The following TMTC3 variants were observed in gnomAD, a reference collection of about 807,000 sequenced individuals.
TMTC3 encodes transmembrane O-mannosyltransferase targeting cadherins 3.
TMTC3 carries 52 observed loss-of-function variants against 92.2 expected under a neutral mutation model. The ratio of observed to expected loss-of-function variants is 0.56; its 90% CI spans 0.45 to 0.71. The LOEUF (loss-of-function observed/expected upper bound fraction) is 0.71, where lower values mean the gene tolerates loss of function less well. Ranked by LOEUF, TMTC3 falls within the 30% of genes least tolerant of loss-of-function variation. The pLI is 0.00. For missense variants in TMTC3, 896 were observed against 1,057.1 expected, an observed-to-expected ratio of 0.85 and a Z score of 2.11; for synonymous variants, 339 against 363.3, an observed-to-expected ratio of 0.93 and a Z score of 0.76.
At chr12:88,187,714 G>GAT (rs1466476785) in intron 10 of TMTC3, among the ~76,000 whole-genome samples, 1 of 152,180 alleles carries the variant, frequency 6.6e-6, no homozygotes, top group Non-Finnish European at 1.5e-5. Context: ...GAATGCCCAA[G>GAT]ATATATATGC....
intron 6 of TMTC3, among the ~76,000 whole-genome samples, chr12:88,164,323 C>T (rs1374052621): frequency 1.3e-5 from 2 of 152,028 alleles, no homozygotes; most frequent in East Asian, 3.9e-4. Flanking sequence ...AGCCCCCGCA[C>T]TCCTAGGGCT....
chr12:88,198,140 T>C lies in TMTC3; in HGVS notation c.*2491T>C. The stretch of plus-strand genomic sequence containing the variant: ...CTAGCCCTTGTGTAAGATTATTATT[T>C]CTTCTCTATAACTTCAAAATAGATA... On this transcript the variant is annotated 3_prime_UTR_variant, in exon 14 of 14. Transcript: ENST00000266712. 1 of 392,686 alleles carries C rather than the reference T, an allele frequency of 2.5e-6. No homozygotes were observed. The highest frequency in any genetic ancestry group is 4.5e-6 in the Non-Finnish European group (1 of 222,374). The allele number at this position is 392,686 out of a possible 1,614,324, so 24.3% of individuals were successfully genotyped here.
chr12:88,168,246 T>C (rs1314170035), intron 7 of TMTC3, among the ~76,000 whole-genome samples: 1 of 152,230 alleles, frequency 6.6e-6, no homozygotes, highest in Non-Finnish European at 1.5e-5. Context: ...TGGATTGGAC[T>C]TCTTTTAGTC....
intron 10 of TMTC3, among the ~76,000 whole-genome samples, chr12:88,188,408 T>C (rs1189462002): frequency 6.6e-6 from 1 of 152,160 alleles, no homozygotes; most frequent in East Asian, 1.9e-4. Flanking sequence ...TAAAATACAA[T>C]GAAGGAAGGT....
In TMTC3 at chr12:88,166,351, A is replaced by T; in HGVS notation, c.819A>T (p.Val273=). 6.2e-7 allele frequency: 1 copy of T among 1,613,818 alleles called. No homozygotes were observed. The highest frequency in any genetic ancestry group is 8.5e-7 in the Non-Finnish European group (1 of 1,179,846). The change falls in exon 7 of 14, where the codon GTA becomes GTT. Residue 273 remains valine (V), a synonymous_variant. Coordinates refer to ENST00000266712, the MANE Select transcript of TMTC3 (RefSeq NM_181783.4). ...ACAGGTTTGATAACCCAGCTGCTGT[A>T]AGCCCAACTCCTACAAGGCAACTAA... The part of the protein sequence containing the change: ...VFTRFDNPAA[V]SPTPTRQLTF...
chr12:88,144,475 C>G (rs1301440280), intron 1 of TMTC3, among the ~76,000 whole-genome samples: 3 of 151,666 alleles, frequency 2.0e-5, no homozygotes, highest in African/African-American at 7.3e-5. Context: ...GTCTGTATTA[C>G]TCTTTTCTAC....
At chr12:88,183,765 G>A (rs1365036161) in intron 10 of TMTC3, among the ~76,000 whole-genome samples, 2 of 152,092 alleles carry the variant, frequency 1.3e-5, no homozygotes, top group Non-Finnish European at 2.9e-5. Context: ...TGGGAACCAT[G>A]GGTTATGGGA....
intron 8 of TMTC3, 132 bp downstream of exon 8, chr12:88,172,877 T>C: frequency 6.7e-7 from 1 of 1,500,584 alleles, no homozygotes; most frequent in South Asian, 1.2e-5. Context: ...CATAGTCTCC[T>C]CATTTGTCTT....
rs989917390 is a variant in TMTC3 at position 88,197,928 on chromosome 12, T to C, written c.*2279T>C. 5.5e-4 allele frequency: 86 copies of C among 157,030 alleles called. No individual in the cohort carries two copies. The highest frequency in any genetic ancestry group is 2.0e-3 in the African/African-American group (85 of 41,814). 9.7% of individuals were successfully genotyped at this position (157,030 alleles called of 1,614,324 possible). On this transcript the variant is annotated 3_prime_UTR_variant, in exon 14 of 14. Transcript: ENST00000266712. Reference sequence around the variant, plus strand: ...CAAAAGCTCTTTGAGTGATTCTAATTTGTAGTCAGAGTTGAAGACCACTGC... The same window carrying C: ...CAAAAGCTCTTTGAGTGATTCTAATCTGTAGTCAGAGTTGAAGACCACTGC...
rs535357403 is a variant in TMTC3, at chr12:88,156,637, G to A, written c.508+2250G>A. Among the ~76,000 whole-genome samples the A allele has an allele frequency of 2.6e-5, 4 of 151,992 alleles. No individual in the cohort carries two copies. In the East Asian group the frequency reaches 7.7e-4, roughly 29 times the overall value. On this transcript the variant is annotated intron_variant, in intron 4 of 13. Transcript: ENST00000266712. ...CTAGCCATTGTAGCTGTGGATTTCT[G>A]CAGTAACAGAGTAGAGAGTGATCTA...
At chr12:88,152,146 A>T (rs532185662) in intron 2 of TMTC3, among the ~76,000 whole-genome samples, 20 of 152,214 alleles carry the variant, frequency 1.3e-4, no homozygotes, top group Non-Finnish European at 2.8e-4. Flanking sequence ...CTGGTAATTT[A>T]TAAGGAAAAT....
At chr12:88,192,576 G>A (rs1444402951) in intron 12 of TMTC3, 28 bp from the exon 13 acceptor site, 4 of 1,548,466 alleles carry the variant, frequency 2.6e-6, no homozygotes, top group East Asian at 4.5e-5. Flanking sequence ...AATGTTGTAA[G>A]TAAAGCTTGT....
intron 10 of TMTC3, among the ~76,000 whole-genome samples, chr12:88,178,639 T>A (rs1261632299): frequency 6.6e-6 from 1 of 152,198 alleles, no homozygotes; most frequent in African/African-American, 2.4e-5. Context: ...CCCTGCATCA[T>A]CAAGTAGGGT....
At chr12:88,168,409 T>C (rs1158889631) in intron 7 of TMTC3, among the ~76,000 whole-genome samples, 3 of 152,196 alleles carry the variant, frequency 2.0e-5, no homozygotes, top group African/African-American at 7.2e-5. Flanking sequence ...AAGACTATGC[T>C]GGTCAGGCAA....
At chr12:88,186,931 G>T (rs746565233) in intron 10 of TMTC3, among the ~76,000 whole-genome samples, 1 of 151,992 alleles carries the variant, frequency 6.6e-6, no homozygotes, top group Non-Finnish European at 1.5e-5. Flanking sequence ...GATTTCAATG[G>T]ATAGTAATTC....
chr12:88,168,292 G>A (rs1195673949), intron 7 of TMTC3, among the ~76,000 whole-genome samples: 1 of 152,192 alleles, frequency 6.6e-6, no homozygotes, highest in African/African-American at 2.4e-5. Flanking sequence ...TATGTGCAGT[G>A]AGTGATTTGA....
At position 88,199,674 on chromosome 12, in the gene TMTC3, C is replaced by T. The variant is rs1184812201; in HGVS notation, c.*4025C>T. The stretch of plus-strand genomic sequence containing the variant: ...ATAACTGAGACACCTTAAAATTGTA[C>T]TACCTTGTGCTGTTCACTGCCATCA... On this transcript the variant is annotated 3_prime_UTR_variant, in exon 14 of 14. Transcript: ENST00000266712. 6.6e-6 allele frequency: 1 copy of T among 152,170 alleles called. No individual in the cohort carries two copies. The highest frequency in any genetic ancestry group is 2.4e-5 in the African/African-American group (1 of 41,448). The allele number at this position is 152,170 out of a possible 1,614,324, so 9.4% of individuals were successfully genotyped here. A position where few individuals can be genotyped will look rare whatever the true frequency, so the allele number is the denominator to read the frequency against.
At position 88,198,973 on chromosome 12, in the gene TMTC3, G is replaced by C. The variant is rs1411942040; in HGVS notation, c.*3324G>C. 6.6e-6 allele frequency: 1 copy of C among 151,850 alleles called. No homozygotes were observed. Among genetic ancestry groups the C allele is most frequent in the African/African-American group, 2.4e-5 (1 of 41,350 alleles). The allele number at this position is 151,850 out of a possible 1,614,324, so 9.4% of individuals were successfully genotyped here. On this transcript the variant is annotated 3_prime_UTR_variant, in exon 14 of 14. Coordinates refer to ENST00000266712, the MANE Select transcript of TMTC3 (RefSeq NM_181783.4). ...ATTGTATGCATTTTATATTACTATGGTATCTGTGTACCATATTTCTAAGTA... is the reference window on the plus strand; with the variant it reads ...ATTGTATGCATTTTATATTACTATGCTATCTGTGTACCATATTTCTAAGTA...
At chr12:88,179,093 A>G (rs2041289451) in intron 10 of TMTC3, among the ~76,000 whole-genome samples, 1 of 152,218 alleles carries the variant, frequency 6.6e-6, no homozygotes, top group Non-Finnish European at 1.5e-5. Context: ...GTTTCTATTA[A>G]TCATAAGCCA....
Sources: gnomAD v4.1 joint callset for allele counts (sites outside exome capture counted in the v4.1 genomes callset) on GRCh38, gnomAD v4.1.1 for gene constraint, MANE v1.5 for transcripts, NCBI Gene and HGNC (gene_info 2026-07-23, HGNC 2026-07-21) for gene names.